Variants in KLHL2 observed in about 807,000 individuals in gnomAD.
KLHL2 encodes the protein kelch like family member 2.
In KLHL2, 15 loss-of-function variants were observed where a neutral mutation model predicts 75.8. The ratio of observed to expected loss-of-function variants is 0.20; its 90% confidence interval spans 0.13 to 0.30. KLHL2 has a LOEUF of 0.30. Among genes scored for constraint, KLHL2 ranks in the 10% least tolerant of loss-of-function variants. The pLI, the probability that KLHL2 is intolerant of heterozygous loss-of-function variation, is 1.00. For missense variants in KLHL2, 381 were observed against 741.0 expected, an observed-to-expected ratio of 0.51 and a Z score of 5.64; for synonymous variants, 214 against 251.9, an observed-to-expected ratio of 0.85 and a Z score of 1.42.
In KLHL2 at chr4:165,310,747, A is replaced by G; in HGVS notation, c.1234A>G (p.Thr412Ala). 11 of 1,608,412 alleles carry G rather than the reference A, an allele frequency of 6.8e-6. No individual in the cohort carries two copies. The highest frequency in any genetic ancestry group is 9.4e-6 in the Non-Finnish European group (11 of 1,175,596). ...LYAVGGFDGSTGLSSVEAYNI... is the reference protein window; with the variant it reads ...LYAVGGFDGSAGLSSVEAYNI... ...CGCTGTGGGAGGCTTTGATGGGAGT[A>G]CAGGTAATTTCCTTTTCATTTATTC... The change falls in exon 10 of 15, where the codon ACA (threonine) becomes GCA (alanine). Residue 412 changes from threonine (T) to alanine (A), a missense_variant. By Grantham distance (58) the Thr-to-Ala change is moderately conservative. This residue lies in a region of KLHL2 where 168 missense variants were observed against 370.4 expected (regional missense o/e 0.45). Coordinates refer to ENST00000226725, the MANE Select transcript of KLHL2 (RefSeq NM_007246.4).
rs142484802 is a variant in KLHL2, at chr4:165,314,053, A to G, written c.1496A>G (p.Tyr499Cys). 6.2e-7 allele frequency: 1 copy of G among 1,613,502 alleles called. No individual in the cohort carries two copies. Among genetic ancestry groups the G allele is most frequent in the African/African-American group, 1.3e-5 (1 of 74,890 alleles). The part of the protein sequence containing the change: ...AGVGVLNNLL[Y>C]AVGGHDGPLV... ...GTTGGTGTGTTAAACAATTTATTGT[A>G]TGCTGTAGGAGGTCATGATGGCCCT... Residue 499 changes from tyrosine to cysteine, a missense_variant, in exon 13 of 15, where the codon TAT (tyrosine) becomes TGT (cysteine). Transcript: ENST00000226725.
intron 5 of KLHL2, among the ~76,000 whole-genome samples, chr4:165,284,042 A>G (rs1327436793): frequency 6.6e-6 from 1 of 152,140 alleles, no homozygotes; most frequent in Admixed American, 6.5e-5. Flanking sequence ...TAGGCTGCAC[A>G]CAGCACAGGG....
chr4:165,285,060 A>G (rs369821439), intron 5 of KLHL2, among the ~76,000 whole-genome samples: 1 of 152,206 alleles, frequency 6.6e-6, no homozygotes, highest in African/African-American at 2.4e-5. Context: ...GAGTTACAAG[A>G]TGAGATTTGG....
chr4:165,243,540 A>G (rs1427977967), intron 4 of KLHL2, among the ~76,000 whole-genome samples: 2 of 152,258 alleles, frequency 1.3e-5, no homozygotes, highest in African/African-American at 4.8e-5. Context: ...TTTGAGACGG[A>G]CACTTTCTAT....
chr4:165,220,155 T>G (rs1443278384), intron 2 of KLHL2, 96 bp downstream of exon 2: 1 of 1,517,696 alleles, frequency 6.6e-7, no homozygotes, highest in Admixed American at 2.3e-5. Flanking sequence ...ATTGTTGCTT[T>G]GTCTGGTACA....
intron 5 of KLHL2, among the ~76,000 whole-genome samples, chr4:165,264,740 G>GTATATATA (rs1216985793): frequency 1.3e-5 from 1 of 75,748 alleles, no homozygotes; most frequent in Non-Finnish European, 2.4e-5. Flanking sequence ...ATATATATAT[G>GTATATATA]TATATATATA....
Position 165,278,813 on chromosome 4 carries a change from G to T in KLHL2, c.544+15454G>T, listed in dbSNP as rs747326830. 7.8e-6 allele frequency: 12 copies of T among 1,548,302 alleles called. No individual in the cohort carries two copies. The South Asian group carries it at 1.1e-4, about 14-fold the overall frequency. On this transcript the variant is annotated intron_variant, in intron 5 of 14. Coordinates refer to ENST00000226725, the MANE Select transcript of KLHL2 (RefSeq NM_007246.4). The stretch of plus-strand genomic sequence containing the variant: ...TAGTAAGAAACATCCTGTTCCATAC[G>T]TATTTTTGGCTTGTCCAATCTGGAA...
At chr4:165,286,854 T>C (rs1416766072) in intron 5 of KLHL2, among the ~76,000 whole-genome samples, 4 of 152,218 alleles carry the variant, frequency 2.6e-5, no homozygotes, top group African/African-American at 2.4e-5. Context: ...GACAGTGACA[T>C]GCATTGACTG....
rs1023911538 is a variant in KLHL2, at chr4:165,207,590, G to A, written c.-287G>A. 6.7e-6 allele frequency: 1 copy of A among 149,684 alleles called. No homozygotes were observed. Among genetic ancestry groups the A allele is most frequent in the African/African-American group, 2.4e-5 (1 of 41,074 alleles). 9.3% of individuals were successfully genotyped at this position (149,684 alleles called of 1,614,324 possible). A position where few individuals can be genotyped will look rare whatever the true frequency, so the allele number is the denominator to read the frequency against. On this transcript the variant is annotated 5_prime_UTR_variant, in exon 1 of 15. Coordinates refer to ENST00000226725, the MANE Select transcript of KLHL2 (RefSeq NM_007246.4). This position sits in a 1 kb window ranked among gnomAD's most constrained non-coding sequence, Gnocchi z 4.2. The stretch of plus-strand genomic sequence containing the variant: ...CCGTCACAGCGTCGGCGCCGGCCGG[G>A]GCCGAACCCGGAAGTGGCCGAGCCC...
intron 4 of KLHL2, 51 bp downstream of exon 4, chr4:165,238,950 T>A (rs12506998): frequency 6.0e-5 from 94 of 1,564,818 alleles, no homozygotes; most frequent in African/African-American, 3.9e-4. Flanking sequence ...ACAGTTTTTT[T>A]AATAAAAAAA....
rs1579205346 is a variant in KLHL2, at chr4:165,322,966, G to C, written c.*906G>C. ...GTATGGAATTCAATTGAATTTGCAT[G>C]GTCTTCGGAATTTTTTCTGTGTGTA... On this transcript the variant is annotated 3_prime_UTR_variant, in exon 15 of 15. Transcript: ENST00000226725. The C allele has an allele frequency of 6.6e-6, 1 of 152,640 alleles. No homozygotes were observed. Among genetic ancestry groups the C allele is most frequent in the East Asian group, 1.9e-4 (1 of 5,188 alleles). The allele number at this position is 152,640 out of a possible 1,614,324, so 9.5% of individuals were successfully genotyped here.
In KLHL2 at chr4:165,297,900, C is replaced by T. The variant is rs934088232; in HGVS notation, c.771+175C>T. Among the ~76,000 whole-genome samples, 4 of 152,126 alleles carry T rather than the reference C, an allele frequency of 2.6e-5. No individual in the cohort carries two copies. The East Asian group carries it at 5.8e-4, about 22-fold the overall frequency. ...GTGCAGTGGCGTCATCTCGGCTCTC[C>T]GCAACCTCCACCTCCCGGGCTCAAG... On this transcript the variant is annotated intron_variant, in intron 7 of 14. Transcript: ENST00000226725.
At chr4:165,301,264 A>T (rs1053156785) in intron 8 of KLHL2, among the ~76,000 whole-genome samples, 7 of 152,210 alleles carry the variant, frequency 4.6e-5, no homozygotes, top group African/African-American at 1.4e-4. Flanking sequence ...ATGGTATTTT[A>T]TTGGCCCCTA....
chr4:165,294,826 G>A (rs1447575836), intron 6 of KLHL2, among the ~76,000 whole-genome samples: 1 of 152,196 alleles, frequency 6.6e-6, no homozygotes, highest in African/African-American at 2.4e-5. Context: ...CTCAATGCCT[G>A]TAGGAATTAT....
At chr4:165,218,878 T>C (rs1737755777) in intron 1 of KLHL2, among the ~76,000 whole-genome samples, 1 of 152,252 alleles carries the variant, frequency 6.6e-6, no homozygotes, top group Admixed American at 6.5e-5. Context: ...ACTTCATTTT[T>C]TAAGCCTAGT....
intron 7 of KLHL2, among the ~76,000 whole-genome samples, chr4:165,298,477 ACTG>A (rs1745086903): frequency 1.3e-5 from 2 of 150,804 alleles, no homozygotes; most frequent in African/African-American, 4.8e-5. Context: ...TTTTAAATTT[ACTG>A]TTTTTTTTAT....
Position 165,322,037 on chromosome 4 carries a change from A to C in KLHL2, c.1759A>C (p.Thr587Pro), listed in dbSNP as rs1157351074. The change falls in exon 15 of 15, where the codon ACA becomes CCA. Residue 587 changes from threonine to proline, a missense_variant. By Grantham distance (38) the Thr-to-Pro change is conservative. Transcript: ENST00000226725. ...CTCTTCATTTCTTTGCTCAGGGGTC[A>C]CAGTTATTGATAAACCATTATGAGC... Reference protein sequence around the residue: ...MSTGRSYAGVTVIDKPL With the variant: ...MSTGRSYAGVPVIDKPL 6.2e-7 allele frequency: 1 copy of C among 1,613,786 alleles called. No homozygotes were observed.
At chr4:165,226,338 C>T (rs1350632235) in intron 2 of KLHL2, among the ~76,000 whole-genome samples, 6 of 152,264 alleles carry the variant, frequency 3.9e-5, no homozygotes, top group African/African-American at 1.4e-4. Flanking sequence ...GGTCTCCATG[C>T]GATAGTACAT....
In KLHL2 at chr4:165,207,806, G is replaced by T. The variant is rs1220014046; in HGVS notation, c.-71G>T. On this transcript the variant is annotated 5_prime_UTR_variant, in exon 1 of 15. Transcript: ENST00000226725. This position sits in a 1 kb window ranked among gnomAD's most constrained non-coding sequence, Gnocchi z 4.2. ...CGCGGCTCGGCGGGCGGGCAGTGCC[G>T]GCGTCCGCGGCTGGAATGGTGCTGG... The T allele has an allele frequency of 5.9e-6, 8 of 1,348,546 alleles. No homozygotes were observed. Among genetic ancestry groups the T allele is most frequent in the African/African-American group, 4.6e-5 (3 of 64,866 alleles). The allele number at this position is 1,348,546 out of a possible 1,614,324, so 83.5% of individuals were successfully genotyped here.
Sources: allele counts gnomAD v4.1 joint callset (sites outside exome capture counted in the v4.1 genomes callset), GRCh38; gene constraint gnomAD v4.1.1; regional missense constraint gnomAD v4.1.1; non-coding constraint Gnocchi (gnomAD v3.1); transcripts MANE v1.5; gene names NCBI Gene and HGNC (gene_info 2026-07-23, HGNC 2026-07-21).